Variants in RABGAP1L observed in about 807,000 individuals in gnomAD.
RABGAP1L encodes rab GTPase-activating protein 1-like.
A neutral mutation model predicts 137.7 loss-of-function variants in RABGAP1L; 63 were observed. That is an observed-to-expected ratio of 0.46 (90% CI 0.37 to 0.56). The LOEUF is 0.56. Among genes scored for constraint, RABGAP1L ranks in the 20% least tolerant of loss-of-function variants. The pLI is 0.00. For missense variants in RABGAP1L, 1,095 were observed against 1,244.0 expected (o/e 0.88, Z 1.80); for synonymous variants, 431 against 433.7 (o/e 0.99, Z 0.08).
intron 18 of RABGAP1L, among the ~76,000 whole-genome samples, chr1:174,804,159 ATACTCTG>A (rs1052848471): frequency 4.6e-5 from 7 of 152,006 alleles, no homozygotes; most frequent in Admixed American, 6.6e-5. Context: ...GCCAGAGTCC[ATACTCTG>A]TAAGTGTGTG....
Position 174,990,110 on chromosome 1 carries a change from C to T in RABGAP1L, c.*109C>T. The T allele has an allele frequency of 7.8e-7, 1 of 1,290,014 alleles. No homozygotes were observed. The highest frequency in any genetic ancestry group is 2.5e-5 in the East Asian group (1 of 39,290). The allele number at this position is 1,290,014 out of a possible 1,614,324, so 79.9% of individuals were successfully genotyped here. A position where few individuals can be genotyped will look rare whatever the true frequency, so the allele number is the denominator to read the frequency against. ...AAGTCAAGGAGGCCAGAAAACAAGC[C>T]AGAATTTTTCAGTAGCTCTCACTCT... On this transcript the variant is annotated 3_prime_UTR_variant, in exon 26 of 26. Transcript: ENST00000681986.
intron 1 of RABGAP1L, among the ~76,000 whole-genome samples, chr1:174,198,453 C>G (rs150394217): frequency 6.6e-6 from 1 of 152,230 alleles, no homozygotes; most frequent in East Asian, 1.9e-4. Context: ...TAAATAATCC[C>G]TAAATTCAAG....
chr1:174,583,993 G>A (rs1159293670), intron 13 of RABGAP1L, among the ~76,000 whole-genome samples: 2 of 152,054 alleles, frequency 1.3e-5, no homozygotes, highest in African/African-American at 4.8e-5. Context: ...TTTAAAACCC[G>A]AGTTTTTTTC....
rs759981032 is a variant in RABGAP1L, at chr1:174,231,283, C to T, written c.470C>T (p.Thr157Ile). The change falls in exon 4 of 26, where the codon ACC (threonine) becomes ATC (isoleucine). Residue 157 changes from threonine (T) to isoleucine (I), a missense_variant. Physicochemically the swap from Thr to Ile is moderately conservative, Grantham distance 89. Transcript: ENST00000681986. Reference protein sequence around the residue: ...NEVEALRAMATMKSSSQYPFP... With the variant: ...NEVEALRAMAIMKSSSQYPFP... ...GTAGAGGCTTTACGGGCAATGGCAA[C>T]CATGAAATCTTCCAGTCAATACCCC... 1.2e-6 allele frequency: 2 copies of T among 1,614,054 alleles called. No homozygotes were observed. Among genetic ancestry groups the T allele is most frequent in the East Asian group, 2.2e-5 (1 of 44,876 alleles).
chr1:174,191,898 T>C (rs1365737389), intron 1 of RABGAP1L, among the ~76,000 whole-genome samples: 1 of 152,206 alleles, frequency 6.6e-6, no homozygotes, highest in Non-Finnish European at 1.5e-5. Flanking sequence ...GAAATACATC[T>C]ACATTAATCA....
At chr1:174,701,145 G>T in intron 16 of RABGAP1L, 2 of 1,304,320 alleles carry the variant, frequency 1.5e-6, no homozygotes, top group Non-Finnish European at 2.0e-6. Context: ...TTTCAGTTAT[G>T]GTAATAGCTA....
At chr1:174,870,940 C>T (rs1302000348) in intron 19 of RABGAP1L, among the ~76,000 whole-genome samples, 2 of 151,852 alleles carry the variant, frequency 1.3e-5, no homozygotes, top group Non-Finnish European at 2.9e-5. Context: ...GGGGTTTCAC[C>T]GTGTTAGCCA....
At chr1:174,436,704 G>A (rs898873707) in intron 13 of RABGAP1L, among the ~76,000 whole-genome samples, 1 of 152,044 alleles carries the variant, frequency 6.6e-6, no homozygotes, top group Non-Finnish European at 1.5e-5. Flanking sequence ...CATTGCTTTT[G>A]GTGTTTTAGA....
chr1:174,853,744 A>G (rs1648784804), intron 19 of RABGAP1L, among the ~76,000 whole-genome samples: 1 of 150,664 alleles, frequency 6.6e-6, no homozygotes, highest in South Asian at 2.1e-4. Context: ...TCAAAAAAAC[A>G]AAAAAAACAA....
At chr1:174,712,697 TC>T (rs1224165477) in intron 17 of RABGAP1L, among the ~76,000 whole-genome samples, 1 of 152,234 alleles carries the variant, frequency 6.6e-6, no homozygotes, top group Non-Finnish European at 1.5e-5. Flanking sequence ...TAAGAAGTTT[TC>T]CCTGATCACC....
chr1:174,874,561 A>G, intron 19 of RABGAP1L: 1 of 729,816 alleles, frequency 1.4e-6, no homozygotes. Context: ...ATCTCAGGTA[A>G]TTCTCCACAC....
intron 19 of RABGAP1L, among the ~76,000 whole-genome samples, chr1:174,944,140 G>A (rs1666346194): frequency 6.6e-6 from 1 of 151,844 alleles, no homozygotes; most frequent in African/African-American, 2.4e-5. Flanking sequence ...AGGTGTGGTG[G>A]TGTGCACCTG....
At chr1:174,718,837 C>A (rs1361642134) in intron 17 of RABGAP1L, among the ~76,000 whole-genome samples, 4 of 106,422 alleles carry the variant, frequency 3.8e-5, no homozygotes, top group African/African-American at 1.2e-4. Context: ...TTTTCTTTTC[C>A]TTTTTTTTTT....
At chr1:174,836,978 G>A (rs959727846) in intron 19 of RABGAP1L, among the ~76,000 whole-genome samples, 1 of 152,192 alleles carries the variant, frequency 6.6e-6, no homozygotes. Context: ...AGGCCAAGGT[G>A]GGCAAATCAC....
intron 13 of RABGAP1L, among the ~76,000 whole-genome samples, chr1:174,474,595 G>GATGATT (rs1553310833): frequency 1.3e-5 from 2 of 151,758 alleles, no homozygotes; most frequent in Admixed American, 6.6e-5. Context: ...TGATGATGAT[G>GATGATT]ATTATTATTA....
At chr1:174,622,430 A>G (rs1326079792) in intron 13 of RABGAP1L, among the ~76,000 whole-genome samples, 2 of 152,234 alleles carry the variant, frequency 1.3e-5, no homozygotes, top group Non-Finnish European at 2.9e-5. Context: ...CACTATTCAC[A>G]ATAGCAAAGA....
At chr1:174,765,778 G>A (rs925811402) in intron 18 of RABGAP1L, among the ~76,000 whole-genome samples, 1 of 151,952 alleles carries the variant, frequency 6.6e-6, no homozygotes, top group Non-Finnish European at 1.5e-5. Context: ...TTTTTCTTTA[G>A]TTGTTTGTGC....
intron 13 of RABGAP1L, among the ~76,000 whole-genome samples, chr1:174,583,330 T>C (rs1302336009): frequency 6.6e-6 from 1 of 152,134 alleles, no homozygotes; most frequent in Non-Finnish European, 1.5e-5. Context: ...TCAAAGGCTC[T>C]CTTCTTTCCT....
chr1:174,222,840 A>ATT (rs1447897533), intron 3 of RABGAP1L, among the ~76,000 whole-genome samples: 1 of 152,168 alleles, frequency 6.6e-6, no homozygotes, highest in East Asian at 1.9e-4. Flanking sequence ...AAGCTATTAG[A>ATT]TTTAAAGACT....
Sources: allele counts gnomAD v4.1 joint callset (sites outside exome capture counted in the v4.1 genomes callset), GRCh38; gene constraint gnomAD v4.1.1; transcripts MANE v1.5; gene names NCBI Gene and HGNC (gene_info 2026-07-23, HGNC 2026-07-21).